COG5: variants seen among roughly 807,000 people sequenced by gnomAD.
The protein encoded by COG5 is component of oligomeric golgi complex 5, also known as conserved oligomeric Golgi complex subunit 5.
Under a neutral mutation model 110.4 loss-of-function variants are expected in COG5, and 86 were observed. The ratio of observed to expected loss-of-function variants is 0.78; its 90% CI spans 0.65 to 0.93. COG5 has a LOEUF of 0.93. Among genes scored for constraint, COG5 ranks in the 40% least tolerant of loss-of-function variants. COG5 has a pLI of 0.00. For synonymous variants in COG5, 360 were observed against 334.6 expected (o/e 1.08, Z -0.83); for missense variants, 1,077 against 987.0 (o/e 1.09, Z -1.22).
At chr7:107,377,257 T>C (rs779496191) in intron 7 of COG5, among the ~76,000 whole-genome samples, 4 of 152,162 alleles carry the variant, frequency 2.6e-5, no homozygotes, top group Non-Finnish European at 5.9e-5. Flanking sequence ...TTAATAGATA[T>C]AGAACTAGAT....
chr7:107,479,316 A>T (rs1797178540), intron 6 of COG5, among the ~76,000 whole-genome samples: 1 of 152,126 alleles, frequency 6.6e-6, no homozygotes. Context: ...TAAGACAGAA[A>T]GCCTTCTATC....
At chr7:107,389,181 G>T (rs1030848412) in intron 7 of COG5, among the ~76,000 whole-genome samples, 7 of 152,020 alleles carry the variant, frequency 4.6e-5, no homozygotes, top group Admixed American at 1.3e-4. Flanking sequence ...ATAATAACGT[G>T]ACTGCTTGGC....
intron 11 of COG5, among the ~76,000 whole-genome samples, chr7:107,301,155 G>T (rs1807232899): frequency 1.3e-5 from 2 of 152,120 alleles, no homozygotes; most frequent in South Asian, 4.2e-4. Context: ...ACTCAAAAAA[G>T]ATTAAATTTT....
At chr7:107,243,554 T>TC (rs1801817541) in intron 17 of COG5, among the ~76,000 whole-genome samples, 2 of 140,734 alleles carry the variant, frequency 1.4e-5, no homozygotes, top group African/African-American at 5.3e-5. Context: ...CTTCAAAGAC[T>TC]CCCACACAAT....
chr7:107,396,212 A>G (rs1385764309), intron 7 of COG5, among the ~76,000 whole-genome samples: 1 of 152,202 alleles, frequency 6.6e-6, no homozygotes, highest in Admixed American at 6.5e-5. Context: ...AGAGAATCAC[A>G]TTAAATACCA....
At chr7:107,358,924 T>G (rs1048707898) in intron 10 of COG5, among the ~76,000 whole-genome samples, 1 of 152,152 alleles carries the variant, frequency 6.6e-6, no homozygotes, top group Non-Finnish European at 1.5e-5. Context: ...TTTTTTCCTT[T>G]TGCTGATTTT....
intron 7 of COG5, among the ~76,000 whole-genome samples, chr7:107,384,824 T>C (rs1370243048): frequency 1.3e-5 from 2 of 152,168 alleles, no homozygotes; most frequent in Non-Finnish European, 2.9e-5. Context: ...TTTTAGACTT[T>C]CCAATCTCTA....
chr7:107,232,985 A>G (rs1481720498), intron 18 of COG5, among the ~76,000 whole-genome samples: 3 of 152,228 alleles, frequency 2.0e-5, no homozygotes, highest in Non-Finnish European at 2.9e-5. Flanking sequence ...ATTGTTCAGG[A>G]GAAGAAAAGG....
intron 10 of COG5, among the ~76,000 whole-genome samples, chr7:107,347,219 T>C (rs1443547362): frequency 3.3e-5 from 5 of 152,166 alleles, no homozygotes. Context: ...AGGTATTACG[T>C]ATGATCCTAA....
chr7:107,554,626 A>G (rs1803165868), intron 2 of COG5, among the ~76,000 whole-genome samples: 1 of 152,190 alleles, frequency 6.6e-6, no homozygotes. Context: ...ATTTACAAAC[A>G]GAAGAAATTT....
At chr7:107,462,916 G>C (rs1368446796) in intron 6 of COG5, among the ~76,000 whole-genome samples, 1 of 152,180 alleles carries the variant, frequency 6.6e-6, no homozygotes. Flanking sequence ...TCTAACAGCA[G>C]ACCTGAAGGT....
At chr7:107,561,985 A>AAAGG (rs1363431696) in intron 1 of COG5, among the ~76,000 whole-genome samples, 1 of 151,972 alleles carries the variant, frequency 6.6e-6, no homozygotes, top group Non-Finnish European at 1.5e-5. Context: ...CAAAAAAAAA[A>AAAGG]AAGAAAGAAA....
At chr7:107,371,320 T>C (rs1379462268) in intron 8 of COG5, among the ~76,000 whole-genome samples, 1 of 152,164 alleles carries the variant, frequency 6.6e-6, no homozygotes. Flanking sequence ...CCAGGCATGG[T>C]GGCTCATGCC....
At chr7:107,283,930 CCTT>C (rs896803734) in intron 12 of COG5, among the ~76,000 whole-genome samples, 198 bp from the exon 13 acceptor site, 1 of 131,814 alleles carries the variant, frequency 7.6e-6, no homozygotes, top group Non-Finnish European at 1.8e-5. Context: ...ACCATAGTAA[CCTT>C]TTTTTTTTTG....
intron 6 of COG5, among the ~76,000 whole-genome samples, chr7:107,434,717 T>C (rs376547793): frequency 2.0e-4 from 30 of 152,308 alleles, no homozygotes; most frequent in African/African-American, 7.2e-4. Context: ...ACGCCTGTAA[T>C]CCCAGCACTT....
intron 8 of COG5, among the ~76,000 whole-genome samples, chr7:107,368,457 C>T (rs2129048621): frequency 6.6e-6 from 1 of 152,070 alleles, no homozygotes; most frequent in South Asian, 2.1e-4. Context: ...GAGAGAGGGG[C>T]TGGTTGTGAT....
chr7:107,536,304 C>T (rs564916197), intron 5 of COG5, among the ~76,000 whole-genome samples: 40 of 152,210 alleles, frequency 2.6e-4, no homozygotes, highest in African/African-American at 8.7e-4. Context: ...AAAGGGTATT[C>T]AAATAGGAAG....
intron 6 of COG5, among the ~76,000 whole-genome samples, chr7:107,508,123 TC>T (rs1340551655): frequency 6.6e-6 from 1 of 152,198 alleles, no homozygotes; most frequent in Non-Finnish European, 1.5e-5. Context: ...GAGTTCCCTT[TC>T]CTAGTCAAAG....
intron 14 of COG5, among the ~76,000 whole-genome samples, chr7:107,279,929 T>C (rs1269038680): frequency 6.6e-6 from 1 of 152,144 alleles, no homozygotes; most frequent in Non-Finnish European, 1.5e-5. Context: ...CCTTTTGCCA[T>C]TACTATGTTA....
Sources: gnomAD v4.1 joint callset for allele counts (sites outside exome capture counted in the v4.1 genomes callset) on GRCh38, gnomAD v4.1.1 for gene constraint, MANE v1.5 for transcripts, NCBI Gene and HGNC (gene_info 2026-07-23, HGNC 2026-07-21) for gene names.